Variants in KIF21B observed in about 807,000 individuals in gnomAD.
KIF21B encodes the protein kinesin family member 21B.
In KIF21B, 85 loss-of-function variants were observed where a neutral mutation model predicts 192.9. The ratio of observed to expected loss-of-function variants is 0.44; its 90% CI spans 0.37 to 0.53. KIF21B has a LOEUF of 0.53. Among genes scored for constraint, KIF21B ranks in the 20% least tolerant of loss-of-function variants. The pLI is 0.00. For missense variants in KIF21B, 1,716 were observed against 2,194.8 expected, an observed-to-expected ratio of 0.78 and a Z score of 4.36; for synonymous variants, 832 against 884.6, an observed-to-expected ratio of 0.94 and a Z score of 1.05.
At chr1:200,978,572 C>T (rs1047208621) in intron 30 of KIF21B, among the ~76,000 whole-genome samples, 8 of 152,104 alleles carry the variant, frequency 5.3e-5, no homozygotes, top group African/African-American at 1.7e-4. Context: ...TGTTAGAGTT[C>T]ACTCTTGGTG....
At position 201,000,118 on chromosome 1, in the gene KIF21B, T is replaced by C. The variant is rs1271049548; in HGVS notation, c.1686-154A>G. 6.6e-6 allele frequency among the ~76,000 whole-genome samples: 1 copy of C among 152,164 alleles called. No homozygotes were observed. The highest frequency in any genetic ancestry group is 1.9e-4 in the East Asian group (1 of 5,176). The stretch of plus-strand genomic sequence containing the variant: ...TGCAGAGAACCCCACTGCTCTTCCC[T>C]AGGGCCACCCAGAGCTGACCTTGGC... On this transcript the variant is annotated intron_variant, in intron 11 of 34. Coordinates refer to ENST00000461742, the MANE Select transcript of KIF21B (RefSeq NM_001252102.2). This position sits in a 1 kb window ranked among gnomAD's most constrained non-coding sequence, Gnocchi z 6.0.
At chr1:200,986,683 G>A (rs1481197576) in intron 26 of KIF21B, among the ~76,000 whole-genome samples, 161 bp downstream of exon 26, 1 of 152,142 alleles carries the variant, frequency 6.6e-6, no homozygotes, top group African/African-American at 2.4e-5. Context: ...CACCTGACAG[G>A]GTGGGGAAGG....
Position 200,983,049 on chromosome 1 carries a change from T to C in KIF21B, c.3842+7A>G. ...GGAACCAAACACGAGAGACATTCTG[T>C]GTGTACCTCAGGACCTCCGACAAAG... On this transcript the variant is annotated splice_region_variant and intron_variant, in intron 28 of 34. Transcript: ENST00000461742. The C allele has an allele frequency of 6.5e-7, 1 of 1,535,662 alleles. No individual in the cohort carries two copies. The highest frequency in any genetic ancestry group is 8.7e-7 in the Non-Finnish European group (1 of 1,146,654).
intron 3 of KIF21B, among the ~76,000 whole-genome samples, chr1:201,008,566 T>C (rs1658047918): frequency 6.6e-6 from 1 of 152,272 alleles, no homozygotes; most frequent in African/African-American, 2.4e-5. Flanking sequence ...TCAAGCTCCA[T>C]CTGATGCAGG....
At position 200,999,550 on chromosome 1, in the gene KIF21B, G is replaced by A. The variant is rs34221970; in HGVS notation, c.1768-84C>T. On this transcript the variant is annotated intron_variant, in intron 12 of 34. Transcript: ENST00000461742. This position sits in a 1 kb window ranked among gnomAD's most constrained non-coding sequence, Gnocchi z 4.7. Reference sequence around the variant, plus strand: ...AGGTGCATCCCGACACAATGCCTCAGGTGTGTCAGGAGGGTGGGGATTGGG... The same window carrying A: ...AGGTGCATCCCGACACAATGCCTCAAGTGTGTCAGGAGGGTGGGGATTGGG... 6.4e-7 allele frequency: 1 copy of A among 1,562,606 alleles called. No homozygotes were observed. The highest frequency in any genetic ancestry group is 8.7e-7 in the Non-Finnish European group (1 of 1,155,256).
rs1013260641 is a variant in KIF21B at position 200,982,576 on chromosome 1, C to T, written c.3842+480G>A. Among the ~76,000 whole-genome samples the T allele has an allele frequency of 1.3e-5, 2 of 151,514 alleles. No homozygotes were observed. The highest frequency in any genetic ancestry group is 4.8e-5 in the African/African-American group (2 of 41,362). ...GGGGCGCTGCCCCCATGGTGCCCCT[C>T]CCCCCATGGTGCCCCTCCCAGAGCC... On this transcript the variant is annotated intron_variant, in intron 28 of 34. Coordinates refer to ENST00000461742, the MANE Select transcript of KIF21B (RefSeq NM_001252102.2). This position sits in a 1 kb window ranked among gnomAD's most constrained non-coding sequence, Gnocchi z 4.7.
rs998463387 is a variant in KIF21B at position 200,999,748 on chromosome 1, G to A, written c.1767+135C>T. 9 of 944,134 alleles carry A rather than the reference G, an allele frequency of 9.5e-6. No homozygotes were observed. The highest frequency in any genetic ancestry group is 1.3e-5 in the Non-Finnish European group (8 of 597,382). The allele number at this position is 944,134 out of a possible 1,614,324, so 58.5% of individuals were successfully genotyped here. ...CATGGTAACCAGTCAGAGATATAAG[G>A]AAGTACAAGGATCAACTGGATGCAG... is the stretch of plus-strand genomic sequence containing the variant. On this transcript the variant is annotated intron_variant, in intron 12 of 34. Coordinates refer to ENST00000461742, the MANE Select transcript of KIF21B (RefSeq NM_001252102.2). The surrounding 1 kb of genome is among the most constrained non-coding windows in gnomAD (Gnocchi z 4.7).
chr1:200,983,796 A>G (rs1040322090), intron 27 of KIF21B, among the ~76,000 whole-genome samples: 1 of 152,200 alleles, frequency 6.6e-6, no homozygotes, highest in Non-Finnish European at 1.5e-5. Flanking sequence ...CAGCAGCCTG[A>G]GCCAAGATAG....
rs1292222167 is a variant in KIF21B, at chr1:200,999,513, G to T, written c.1768-47C>A. ...GGTGGGCCTGGCCTCAGAGAGGGGA[G>T]CCCAGAAGCAGAGGTGCATCCCGAC... On this transcript the variant is annotated intron_variant, in intron 12 of 34. Coordinates refer to ENST00000461742, the MANE Select transcript of KIF21B (RefSeq NM_001252102.2). This position sits in a 1 kb window ranked among gnomAD's most constrained non-coding sequence, Gnocchi z 4.7. 1 of 1,596,882 alleles carries T rather than the reference G, an allele frequency of 6.3e-7. No individual in the cohort carries two copies. Among genetic ancestry groups the T allele is most frequent in the East Asian group, 2.2e-5 (1 of 44,796 alleles).
chr1:200,975,009 G>T lies in KIF21B; in HGVS notation c.4615-96C>A, dbSNP rs1557994602. The T allele has an allele frequency of 5.5e-6, 7 of 1,278,790 alleles. No individual in the cohort carries two copies. The highest frequency in any genetic ancestry group is 1.3e-5 in the South Asian group (1 of 76,670). 79.2% of individuals were successfully genotyped at this position (1,278,790 alleles called of 1,614,324 possible). On this transcript the variant is annotated intron_variant, in intron 33 of 34. Coordinates refer to ENST00000461742, the MANE Select transcript of KIF21B (RefSeq NM_001252102.2). The surrounding 1 kb of genome is among the most constrained non-coding windows in gnomAD (Gnocchi z 4.3). Reference sequence around the variant, plus strand: ...TTGCTAGTAGTGGAGCTACTTCCAGGCTCCCCTGGCCTCTAGAGCTGCCAC... The same window carrying T: ...TTGCTAGTAGTGGAGCTACTTCCAGTCTCCCCTGGCCTCTAGAGCTGCCAC...
intron 1 of KIF21B, among the ~76,000 whole-genome samples, chr1:201,022,243 C>T (rs1015675897): frequency 6.6e-6 from 1 of 152,206 alleles, no homozygotes; most frequent in Non-Finnish European, 1.5e-5. Flanking sequence ...CCTCCTAGGA[C>T]CCCTGGAATC....
At position 200,982,503 on chromosome 1, in the gene KIF21B, C is replaced by T. The variant is rs556555179; in HGVS notation, c.3842+553G>A. On this transcript the variant is annotated intron_variant, in intron 28 of 34. Coordinates refer to ENST00000461742, the MANE Select transcript of KIF21B (RefSeq NM_001252102.2). The surrounding 1 kb of genome is among the most constrained non-coding windows in gnomAD (Gnocchi z 4.7). Reference sequence around the variant, plus strand: ...CAGCCTCCAGCCATCCCACAGGCTGCGGGAAGGGGAGGTACCCACACATCT... The same window carrying T: ...CAGCCTCCAGCCATCCCACAGGCTGTGGGAAGGGGAGGTACCCACACATCT... Among the ~76,000 whole-genome samples, 87 of 152,254 alleles carry T rather than the reference C, an allele frequency of 5.7e-4. No homozygotes were observed. Among genetic ancestry groups the T allele is most frequent in the African/African-American group, 1.7e-3 (72 of 41,562 alleles).
chr1:200,987,706 T>C (rs60915195), intron 24 of KIF21B, among the ~76,000 whole-genome samples: 39,137 of 152,146 alleles, frequency 0.26, 6,016 homozygotes, highest in African/African-American at 0.43. Flanking sequence ...AGTTGGACTA[T>C]GTAAACACAG....
In KIF21B at chr1:201,000,020, A is replaced by AT. The variant is rs1472857492; in HGVS notation, c.1686-57dup. ...GGAAGGCTGCCCCTGCCCTGAGCAC[A>AT]TGGGCAGGACGGCGGCAGCGGCAGA... is the stretch of plus-strand genomic sequence containing the variant. On this transcript the variant is annotated intron_variant, in intron 11 of 34. Transcript: ENST00000461742. The surrounding 1 kb of genome is among the most constrained non-coding windows in gnomAD (Gnocchi z 6.0). The AT allele has an allele frequency of 7.4e-6, 11 of 1,486,110 alleles. No individual in the cohort carries two copies. The Admixed American group carries it at 1.8e-4, about 25-fold the overall frequency. 92.1% of individuals were successfully genotyped at this position (1,486,110 alleles called of 1,614,324 possible). A position where few individuals can be genotyped will look rare whatever the true frequency, so the allele number is the denominator to read the frequency against.
rs1336478996 is a variant in KIF21B, at chr1:201,004,933, C to T, written c.733G>A (p.Val245Met). Residue 245 changes from valine (V) to methionine (M), a missense_variant and splice_region_variant, in exon 6 of 35, where the codon GTG becomes ATG. By Grantham distance (21) the Val-to-Met change is conservative. Around this residue, in one of 3 missense-constraint regions of KIF21B, gnomAD observed 1,087 missense variants for 1,316.6 expected, o/e 0.83. Coordinates refer to ENST00000461742, the MANE Select transcript of KIF21B (RefSeq NM_001252102.2). Reference protein sequence around the residue: ...QMRMCTQPDLVNEAVTGLPDG... With the variant: ...QMRMCTQPDLMNEAVTGLPDG... ...GGAAGCCCAGTCACCGCCTCATTCA[C>T]CTGCAGCAGAAGTCAGCTCTGACTC... is the stretch of plus-strand genomic sequence containing the variant. 17 of 1,604,792 alleles carry T rather than the reference C, an allele frequency of 1.1e-5. No homozygotes were observed. The highest frequency in any genetic ancestry group is 1.4e-5 in the Non-Finnish European group (17 of 1,172,582).
Position 201,004,369 on chromosome 1 carries a change from C to T in KIF21B, c.987G>A (p.Arg329=). Residue 329 remains arginine (R), a synonymous_variant, in exon 7 of 35, where the codon CGG becomes CGA. Transcript: ENST00000461742. ...HVPYRDSKLT[R]LLQDSLGGNS... ...TGCCCCCCAGCGAATCCTGGAGGAG[C>T]CGAGTGAGCTTGGAGTCCCTGTAGG... is the stretch of plus-strand genomic sequence containing the variant. 1 of 1,574,356 alleles carries T rather than the reference C, an allele frequency of 6.4e-7. No homozygotes were observed. The highest frequency in any genetic ancestry group is 8.6e-7 in the Non-Finnish European group (1 of 1,159,068).
chr1:201,004,839 C>A lies in KIF21B; in HGVS notation c.827G>T (p.Gly276Val). The change falls in exon 6 of 35, where the codon GGC becomes GTC. Residue 276 changes from glycine (G) to valine (V), a missense_variant. Physicochemically the swap from Gly to Val is moderately radical, Grantham distance 109. This residue lies in a region of KIF21B where 1,087 missense variants were observed against 1,316.6 expected (regional missense o/e 0.83). Coordinates refer to ENST00000461742, the MANE Select transcript of KIF21B (RefSeq NM_001252102.2). Reference protein sequence around the residue: ...TAKFHFVDLAGSERLKRTGAT... With the variant: ...TAKFHFVDLAVSERLKRTGAT... ...CCCTGTCCGCTTCAGCCGCTCTGAG[C>A]CGGCCAGGTCCACAAAGTGAAACTT... The A allele has an allele frequency of 6.2e-7, 1 of 1,614,162 alleles. No individual in the cohort carries two copies.
At chr1:200,985,096 C>T in intron 26 of KIF21B, 124 bp from the exon 27 acceptor site, 1 of 563,796 alleles carries the variant, frequency 1.8e-6, no homozygotes, top group South Asian at 2.5e-5. Flanking sequence ...GTGCAGTATT[C>T]TCAGAGCTCA....
At chr1:200,981,614 T>C (rs1248551729) in intron 28 of KIF21B, among the ~76,000 whole-genome samples, 2 of 152,216 alleles carry the variant, frequency 1.3e-5, no homozygotes, top group Non-Finnish European at 2.9e-5. Context: ...ACCCTTCTGC[T>C]GGTAACTGCC....
Sources: allele counts gnomAD v4.1 joint callset (sites outside exome capture counted in the v4.1 genomes callset), GRCh38; gene constraint gnomAD v4.1.1; regional missense constraint gnomAD v4.1.1; non-coding constraint Gnocchi (gnomAD v3.1); transcripts MANE v1.5; gene names NCBI Gene and HGNC (gene_info 2026-07-23, HGNC 2026-07-21).